Variants in ROBO1 observed in about 807,000 individuals in gnomAD.
The protein encoded by ROBO1 is roundabout guidance receptor 1.
In ROBO1, 149 loss-of-function variants were observed where a neutral mutation model predicts 195.9. That is an observed-to-expected ratio of 0.76 (90% CI 0.67 to 0.87). The LOEUF (loss-of-function observed/expected upper bound fraction) is 0.87. Ranked by LOEUF, ROBO1 falls within the 40% of genes least tolerant of loss-of-function variation. The pLI, the probability that ROBO1 is intolerant of heterozygous loss-of-function variation, is 0.00. For missense variants in ROBO1, 1,933 were observed against 2,068.3 expected, an observed-to-expected ratio of 0.93 and a Z score of 1.27; for synonymous variants, 816 against 733.2, an observed-to-expected ratio of 1.11 and a Z score of -1.82.
At chr3:79,629,592 C>T (rs931676120) in intron 1 of ROBO1, among the ~76,000 whole-genome samples, 3 of 151,556 alleles carry the variant, frequency 2.0e-5, no homozygotes, top group African/African-American at 4.8e-5. Flanking sequence ...ACTAGATAAA[C>T]AAGAACTAAA....
chr3:79,074,050 A>G (rs983663833), intron 3 of ROBO1, among the ~76,000 whole-genome samples: 37 of 151,820 alleles, frequency 2.4e-4, no homozygotes. Flanking sequence ...TTACTTTTCA[A>G]ATATAATCTC....
At chr3:79,563,897 T>C (rs1262679950) in intron 2 of ROBO1, among the ~76,000 whole-genome samples, 1 of 152,052 alleles carries the variant, frequency 6.6e-6, no homozygotes, top group Non-Finnish European at 1.5e-5. Context: ...TGGAACTACA[T>C]TTATTTTGAT....
At chr3:78,866,659 G>A (rs547416964) in intron 4 of ROBO1, among the ~76,000 whole-genome samples, 1 of 152,244 alleles carries the variant, frequency 6.6e-6, no homozygotes, top group Non-Finnish European at 1.5e-5. Flanking sequence ...ATACATTTGG[G>A]AATCTCTGAA....
chr3:79,744,875 A>G (rs1488672415), intron 1 of ROBO1, among the ~76,000 whole-genome samples: 1 of 152,048 alleles, frequency 6.6e-6, no homozygotes, highest in East Asian at 1.9e-4. Flanking sequence ...AAAAATTACA[A>G]TATTTTGGAT....
chr3:79,093,729 A>G (rs1038834457), intron 3 of ROBO1, among the ~76,000 whole-genome samples: 2 of 152,022 alleles, frequency 1.3e-5, no homozygotes, highest in Non-Finnish European at 2.9e-5. Context: ...TGAAATATAG[A>G]ATACAGAAGT....
intron 1 of ROBO1, among the ~76,000 whole-genome samples, chr3:79,740,057 A>G (rs1418948994): frequency 1.3e-5 from 2 of 151,434 alleles, no homozygotes; most frequent in Non-Finnish European, 2.9e-5. Context: ...GAAGTATATA[A>G]AATTCTAATC....
At chr3:79,655,114 A>G (rs1408577108) in intron 1 of ROBO1, among the ~76,000 whole-genome samples, 1 of 152,208 alleles carries the variant, frequency 6.6e-6, no homozygotes, top group East Asian at 1.9e-4. Flanking sequence ...CCTCTTCTTT[A>G]GTAACAAAAT....
chr3:79,592,260 G>A (rs1056038264), intron 1 of ROBO1, among the ~76,000 whole-genome samples: 110 of 151,970 alleles, frequency 7.2e-4, no homozygotes, highest in African/African-American at 2.6e-3. Context: ...AAACCTGAAA[G>A]TAGAAACACT....
chr3:79,345,776 C>G lies in ROBO1; in HGVS notation c.89-220237G>C, dbSNP rs185489123. On this transcript the variant is annotated intron_variant, in intron 2 of 30. Transcript: ENST00000464233. The stretch of plus-strand genomic sequence containing the variant: ...CTGCCATACATTCCAGGGTAATGAA[C>G]AATTTTGCTGAAGCACACCTTTCAG... Among the ~76,000 whole-genome samples the G allele has an allele frequency of 6.8e-3, 1,042 of 152,232 alleles. 16 individuals are homozygous for G. The highest frequency in any genetic ancestry group is 0.024 in the African/African-American group (992 of 41,544).
intron 3 of ROBO1, among the ~76,000 whole-genome samples, chr3:79,038,477 T>C (rs1323794619): frequency 6.6e-6 from 1 of 152,164 alleles, no homozygotes; most frequent in African/African-American, 2.4e-5. Context: ...GAGTAGCTGC[T>C]GAAAGCAAGA....
At chr3:79,203,134 A>G (rs990773187) in intron 2 of ROBO1, among the ~76,000 whole-genome samples, 10 of 152,204 alleles carry the variant, frequency 6.6e-5, no homozygotes, top group Admixed American at 2.6e-4. Flanking sequence ...TACCAGAACT[A>G]CAAGTATCAT....
intron 2 of ROBO1, among the ~76,000 whole-genome samples, chr3:79,314,668 C>T (rs1054528150): frequency 6.6e-6 from 1 of 152,184 alleles, no homozygotes; most frequent in Non-Finnish European, 1.5e-5. Context: ...CACAAATACT[C>T]ACTGTGCAAC....
At chr3:78,953,286 T>C (rs893386355) in intron 3 of ROBO1, among the ~76,000 whole-genome samples, 1 of 152,004 alleles carries the variant, frequency 6.6e-6, no homozygotes, top group African/African-American at 2.4e-5. Flanking sequence ...GCTAGCTGAG[T>C]TCATTCTTCC....
intron 1 of ROBO1, among the ~76,000 whole-genome samples, chr3:79,650,749 T>C (rs1945980380): frequency 1.3e-5 from 2 of 151,818 alleles, no homozygotes; most frequent in Admixed American, 6.6e-5. Context: ...AGTAAAATAA[T>C]AGTAATCTGA....
intron 2 of ROBO1, among the ~76,000 whole-genome samples, chr3:79,524,070 C>A (rs757554078): frequency 2.6e-5 from 4 of 151,836 alleles, no homozygotes; most frequent in Non-Finnish European, 4.4e-5. Flanking sequence ...GGAAGATATA[C>A]CTAAAGACGC....
At chr3:79,587,488 T>C (rs946535782) in intron 2 of ROBO1, among the ~76,000 whole-genome samples, 2 of 151,824 alleles carry the variant, frequency 1.3e-5, no homozygotes, top group Non-Finnish European at 2.9e-5. Flanking sequence ...CCTTATTTTT[T>C]TAGAAGCATG....
At chr3:79,271,981 A>G (rs1305469209) in intron 2 of ROBO1, among the ~76,000 whole-genome samples, 1 of 152,110 alleles carries the variant, frequency 6.6e-6, no homozygotes, top group Non-Finnish European at 1.5e-5. Context: ...ATACTGACAT[A>G]TAAGTAAAAA....
At chr3:78,920,624 G>GTTTTTTTTTTTTTTTTTTTTTTT (rs34364869) in intron 4 of ROBO1, among the ~76,000 whole-genome samples, 1 of 60,950 alleles carries the variant, frequency 1.6e-5, no homozygotes, top group African/African-American at 7.4e-5. Context: ...CTTTCTTTCA[G>GTTTTTTTTTTTTTTTTTTTTTTT]TTTTTTTTTT....
Position 78,900,005 on chromosome 3 carries a change from C to T in ROBO1, c.499+38596G>A, listed in dbSNP as rs140202917. ...AAGCACTGCAGTTGCTCTCTGGGTA[C>T]TAGTCAGAAAAGCCTTTGGGGCTGT... On this transcript the variant is annotated intron_variant, in intron 4 of 30. Coordinates refer to ENST00000464233, the MANE Select transcript of ROBO1 (RefSeq NM_002941.4). Among the ~76,000 whole-genome samples the T allele has an allele frequency of 1.8e-4, 27 of 152,246 alleles. No homozygotes were observed. In the East Asian group the frequency reaches 4.6e-3, roughly 26 times the overall value.
Sources: gnomAD v4.1 joint callset for allele counts (sites outside exome capture counted in the v4.1 genomes callset) on GRCh38, gnomAD v4.1.1 for gene constraint, MANE v1.5 for transcripts, NCBI Gene and HGNC (gene_info 2026-07-23, HGNC 2026-07-21) for gene names.